XPR1: variants seen among roughly 807,000 people sequenced by gnomAD.
The protein encoded by XPR1 is solute carrier family 53 member 1.
In XPR1, 28 loss-of-function variants were observed where a neutral mutation model predicts 87.5. That is an observed-to-expected ratio of 0.32 (90% CI 0.24 to 0.44). The LOEUF (loss-of-function observed/expected upper bound fraction) is 0.44. Among genes scored for constraint, XPR1 ranks in the 20% least tolerant of loss-of-function variants. The pLI is 1.00. For missense variants in XPR1, 559 were observed against 862.3 expected (o/e 0.65, Z 4.41); for synonymous variants, 300 against 306.1 (o/e 0.98, Z 0.21).
At chr1:180,694,773 G>GCGCACACACACACA (rs1553237455) in intron 2 of XPR1, among the ~76,000 whole-genome samples, 1 of 149,512 alleles carries the variant, frequency 6.7e-6, no homozygotes, top group Non-Finnish European at 1.5e-5. Context: ...ATTGTTGTGT[G>GCGCACACACACACA]CACACACACA....
In XPR1 at chr1:180,706,625, T is replaced by C. The variant is rs555995897; in HGVS notation, c.121+24214T>C. Among the ~76,000 whole-genome samples the C allele has an allele frequency of 1.1e-3, 162 of 152,002 alleles. 1 individual carries two copies. Among genetic ancestry groups the C allele is most frequent in the East Asian group, 5.8e-4 (3 of 5,186 alleles). ...AAGACACAGAAGCTTTTTTTTTTTT[T>C]CCCCGAGGCAGAGTCTCGCACTGTC... is the stretch of plus-strand genomic sequence containing the variant. On this transcript the variant is annotated intron_variant, in intron 2 of 14. Coordinates refer to ENST00000367590, the MANE Select transcript of XPR1 (RefSeq NM_004736.4).
chr1:180,805,858 A>G (rs1649970113), intron 4 of XPR1, among the ~76,000 whole-genome samples: 1 of 152,220 alleles, frequency 6.6e-6, no homozygotes, highest in Non-Finnish European at 1.5e-5. Context: ...TTGTGTTACT[A>G]ATAGCATACT....
At chr1:180,652,694 G>A (rs1360795364) in intron 1 of XPR1, among the ~76,000 whole-genome samples, 1 of 152,138 alleles carries the variant, frequency 6.6e-6, no homozygotes, top group Non-Finnish European at 1.5e-5. Flanking sequence ...ACAAACCAAA[G>A]ATGTTGCATA....
chr1:180,698,235 C>T (rs185872298), intron 2 of XPR1, among the ~76,000 whole-genome samples: 49 of 152,094 alleles, frequency 3.2e-4, no homozygotes, highest in African/African-American at 1.2e-3. Context: ...TTTGTTTTAT[C>T]TGATAACAAC....
chr1:180,771,557 C>T (rs536042212), intron 2 of XPR1, among the ~76,000 whole-genome samples: 1 of 152,112 alleles, frequency 6.6e-6, no homozygotes, highest in Admixed American at 6.6e-5. Flanking sequence ...GTGCCAGGAA[C>T]CAATTCAGGA....
intron 2 of XPR1, among the ~76,000 whole-genome samples, chr1:180,787,119 A>C (rs1219500368): frequency 6.6e-6 from 1 of 152,014 alleles, no homozygotes; most frequent in African/African-American, 2.4e-5. Flanking sequence ...CTCAGCTCCT[A>C]GTACCTTGAA....
At chr1:180,835,928 A>G (rs868609143) in intron 10 of XPR1, among the ~76,000 whole-genome samples, 1 of 152,152 alleles carries the variant, frequency 6.6e-6, no homozygotes, top group Non-Finnish European at 1.5e-5. Context: ...CTCATCTTCT[A>G]ATTTTCTTAC....
chr1:180,658,713 C>T (rs747886080), intron 1 of XPR1, among the ~76,000 whole-genome samples: 4 of 151,252 alleles, frequency 2.6e-5, no homozygotes, highest in Non-Finnish European at 4.4e-5. Flanking sequence ...TACAGGCGCC[C>T]GCCACCATGC....
At chr1:180,723,222 T>A (rs891652646) in intron 2 of XPR1, among the ~76,000 whole-genome samples, 3 of 152,194 alleles carry the variant, frequency 2.0e-5, no homozygotes, top group African/African-American at 7.2e-5. Context: ...ACATTTTATA[T>A]TTTAAAAATT....
intron 11 of XPR1, among the ~76,000 whole-genome samples, chr1:180,845,093 A>G (rs929666581): frequency 6.6e-6 from 1 of 152,248 alleles, no homozygotes; most frequent in African/African-American, 2.4e-5. Context: ...TAGAATAAAC[A>G]TAACTAATAA....
chr1:180,852,903 A>G (rs938651402), intron 11 of XPR1, among the ~76,000 whole-genome samples: 11 of 152,118 alleles, frequency 7.2e-5, no homozygotes, highest in Non-Finnish European at 2.9e-5. Flanking sequence ...TGCTTAATTT[A>G]TAGATTAAAC....
intron 12 of XPR1, among the ~76,000 whole-genome samples, chr1:180,872,553 A>T (rs1441104941): frequency 2.5e-5 from 2 of 80,440 alleles, no homozygotes; most frequent in African/African-American, 5.1e-5. Flanking sequence ...GAAAAGCGCA[A>T]TATTCGGGTG....
chr1:180,855,475 G>A (rs1651997069), intron 11 of XPR1, among the ~76,000 whole-genome samples: 1 of 151,992 alleles, frequency 6.6e-6, no homozygotes, highest in South Asian at 2.1e-4. Flanking sequence ...GACCAGCCTG[G>A]CCAACATGGT....
intron 3 of XPR1, among the ~76,000 whole-genome samples, chr1:180,788,974 C>A (rs562905124): frequency 1.3e-5 from 2 of 152,116 alleles, no homozygotes; most frequent in African/African-American, 4.8e-5. Context: ...ACTCAGATAT[C>A]CTTTTTCAGC....
At chr1:180,637,452 T>G (rs1425696409) in intron 1 of XPR1, among the ~76,000 whole-genome samples, 1 of 152,232 alleles carries the variant, frequency 6.6e-6, no homozygotes, top group Non-Finnish European at 1.5e-5. Context: ...AGGTTTCTCC[T>G]TCTAGTACTA....
intron 7 of XPR1, among the ~76,000 whole-genome samples, chr1:180,813,235 G>A (rs972859352): frequency 6.6e-6 from 1 of 152,070 alleles, no homozygotes; most frequent in Non-Finnish European, 1.5e-5. Context: ...CCACACTTGT[G>A]TTAGTACTTC....
intron 2 of XPR1, among the ~76,000 whole-genome samples, chr1:180,693,568 CATTT>C (rs991926199): frequency 1.3e-5 from 2 of 152,192 alleles, no homozygotes; most frequent in Admixed American, 1.3e-4. Context: ...AAATGACAGA[CATTT>C]ATTCTCTCAC....
At chr1:180,733,034 C>T (rs926973341) in intron 2 of XPR1, among the ~76,000 whole-genome samples, 11 of 152,178 alleles carry the variant, frequency 7.2e-5, no homozygotes, top group South Asian at 4.1e-4. Context: ...GGCCCACCGG[C>T]GTGCCGGTGC....
intron 1 of XPR1, among the ~76,000 whole-genome samples, chr1:180,681,581 G>A (rs1656579961): frequency 6.6e-6 from 1 of 152,238 alleles, no homozygotes; most frequent in Admixed American, 6.5e-5. Context: ...GGGAGGCAGA[G>A]CTTGCAGTGA....
Sources: gnomAD v4.1 joint callset for allele counts (sites outside exome capture counted in the v4.1 genomes callset) on GRCh38, gnomAD v4.1.1 for gene constraint, MANE v1.5 for transcripts, NCBI Gene and HGNC (gene_info 2026-07-23, HGNC 2026-07-21) for gene names.